Variants in RABGAP1L observed in about 807,000 individuals in gnomAD.
RABGAP1L encodes RAB GTPase activating protein 1 like.
In RABGAP1L, 63 loss-of-function variants were observed where a neutral mutation model predicts 137.7. That is an observed-to-expected ratio of 0.46 (90% CI 0.37 to 0.56). The LOEUF (loss-of-function observed/expected upper bound fraction) is 0.56, where lower values mean the gene tolerates loss of function less well. RABGAP1L is among the 20% of genes least tolerant of loss of function. The pLI is 0.00. For synonymous variants in RABGAP1L, 431 were observed against 433.7 expected, an observed-to-expected ratio of 0.99 and a Z score of 0.08; for missense variants, 1,095 against 1,244.0, an observed-to-expected ratio of 0.88 and a Z score of 1.80.
chr1:174,777,284 C>T (rs1309442380), intron 18 of RABGAP1L, among the ~76,000 whole-genome samples: 2 of 152,162 alleles, frequency 1.3e-5, no homozygotes, highest in African/African-American at 4.8e-5. Context: ...GACTTGTGTT[C>T]TTTTCATCCT....
chr1:174,215,848 C>T (rs1669273475), intron 1 of RABGAP1L, among the ~76,000 whole-genome samples: 1 of 152,156 alleles, frequency 6.6e-6, no homozygotes, highest in African/African-American at 2.4e-5. Context: ...GAGATATCTG[C>T]ACTCCCTTGT....
intron 13 of RABGAP1L, among the ~76,000 whole-genome samples, chr1:174,621,181 C>A (rs1266369095): frequency 6.6e-6 from 1 of 152,106 alleles, no homozygotes; most frequent in Non-Finnish European, 1.5e-5. Flanking sequence ...GAACTACAAA[C>A]CACTGCTCAA....
At chr1:174,669,584 C>T (rs908199529) in intron 14 of RABGAP1L, among the ~76,000 whole-genome samples, 1 of 152,120 alleles carries the variant, frequency 6.6e-6, no homozygotes, top group African/African-American at 2.4e-5. Context: ...AGCGTTTTCT[C>T]TTTATTTTCT....
intron 13 of RABGAP1L, among the ~76,000 whole-genome samples, chr1:174,620,067 T>G (rs1015069484): frequency 2.6e-5 from 4 of 152,016 alleles, no homozygotes; most frequent in African/African-American, 9.7e-5. Flanking sequence ...GGTAAAGGGA[T>G]CAATTCAACA....
At chr1:174,745,845 A>G (rs1402214880) in intron 17 of RABGAP1L, among the ~76,000 whole-genome samples, 1 of 152,186 alleles carries the variant, frequency 6.6e-6, no homozygotes, top group African/African-American at 2.4e-5. Flanking sequence ...GTCAGAAAGG[A>G]CAGAACCCCA....
At chr1:174,162,000 T>A (rs1250455474) in intron 1 of RABGAP1L, among the ~76,000 whole-genome samples, 1 of 151,938 alleles carries the variant, frequency 6.6e-6, no homozygotes, top group Non-Finnish European at 1.5e-5. Flanking sequence ...CTCGAAGTGC[T>A]GGGATTACAG....
chr1:174,324,426 G>C (rs1680268748), intron 11 of RABGAP1L, among the ~76,000 whole-genome samples: 1 of 152,114 alleles, frequency 6.6e-6, no homozygotes, highest in South Asian at 2.1e-4. Context: ...ACACAGGGGG[G>C]AGGAAGTGTG....
chr1:174,640,052 T>G (rs1324716801), intron 14 of RABGAP1L, among the ~76,000 whole-genome samples: 1 of 152,158 alleles, frequency 6.6e-6, no homozygotes, highest in Non-Finnish European at 1.5e-5. Flanking sequence ...AAAATTACAT[T>G]AGACATAGTA....
Position 174,688,206 on chromosome 1 carries a change from C to T in RABGAP1L, c.1899+4610C>T, listed in dbSNP as rs192929234. ...ATCTCTTAGTCTTAATAAATTATGA[C>T]CTGATTATATTTCACTTACTCTAAA... On this transcript the variant is annotated intron_variant, in intron 15 of 25. Coordinates refer to ENST00000681986, the MANE Select transcript of RABGAP1L (RefSeq NM_001366446.1). Among the ~76,000 whole-genome samples, 103 of 151,904 alleles carry T rather than the reference C, an allele frequency of 6.8e-4. 1 individual carries two copies. The highest frequency in any genetic ancestry group is 3.4e-3 in the Middle Eastern group (1 of 294).
At chr1:174,249,497 A>G (rs1236637035) in intron 5 of RABGAP1L, among the ~76,000 whole-genome samples, 1 of 152,190 alleles carries the variant, frequency 6.6e-6, no homozygotes, top group African/African-American at 2.4e-5. Context: ...GCCTAGAAAT[A>G]TCTATAAATA....
intron 13 of RABGAP1L, among the ~76,000 whole-genome samples, chr1:174,427,144 ATGTGTGTGTG>A (rs57986877): frequency 0.09 from 12,946 of 144,634 alleles, 751 homozygotes; most frequent in East Asian, 0.21. Flanking sequence ...CCGCATGTTT[ATGTGTGTGTG>A]TGTGTGTGTG....
chr1:174,651,739 G>A (rs113707056), intron 14 of RABGAP1L, among the ~76,000 whole-genome samples: 6 of 152,296 alleles, frequency 3.9e-5, no homozygotes, highest in African/African-American at 1.4e-4. Context: ...CTCTGCAGGT[G>A]AGATGCGTTT....
At chr1:174,982,668 T>C (rs943443799) in intron 23 of RABGAP1L, among the ~76,000 whole-genome samples, 166 bp from the exon 24 acceptor site, 38 of 152,248 alleles carry the variant, frequency 2.5e-4, no homozygotes, top group African/African-American at 9.2e-4. Flanking sequence ...GCTCCAGCTT[T>C]CTGCTGCTCA....
At chr1:174,382,876 G>C (rs1007154459) in intron 12 of RABGAP1L, among the ~76,000 whole-genome samples, 9 of 151,962 alleles carry the variant, frequency 5.9e-5, no homozygotes, top group African/African-American at 1.9e-4. Flanking sequence ...CTGCGTTTTA[G>C]AGTTTCCAGT....
intron 19 of RABGAP1L, among the ~76,000 whole-genome samples, chr1:174,883,357 A>G (rs541765327): frequency 2.0e-5 from 3 of 152,350 alleles, no homozygotes; most frequent in Admixed American, 1.3e-4. Context: ...AACTAATCAG[A>G]CTATTTGAAG....
At position 174,550,919 on chromosome 1, in the gene RABGAP1L, C is replaced by CAT. The variant is rs1558333971; in HGVS notation, c.1711-86455_1711-86454insTA. Among the ~76,000 whole-genome samples, 494 of 110,304 alleles carry CAT rather than the reference C, an allele frequency of 4.5e-3. 28 individuals are homozygous for CAT. The highest frequency in any genetic ancestry group is 0.021 in the African/African-American group (432 of 20,864). 72.4% of individuals were successfully genotyped at this position (110,304 alleles called of 152,430 possible). On this transcript the variant is annotated intron_variant, in intron 13 of 25. Transcript: ENST00000681986. Reference sequence around the variant, plus strand: ...ATACACACACACATATACACACACACACATATATATATACACATATATATA... The same window carrying CAT: ...ATACACACACACATATACACACACACATACATATATATATACACATATATATA...
chr1:174,904,924 T>C (rs2149172444), intron 19 of RABGAP1L, among the ~76,000 whole-genome samples: 1 of 152,280 alleles, frequency 6.6e-6, no homozygotes, highest in Non-Finnish European at 1.5e-5. Context: ...CTTGCTGGGA[T>C]GACAGGCATG....
intron 13 of RABGAP1L, among the ~76,000 whole-genome samples, chr1:174,523,798 G>A (rs1461962982): frequency 1.3e-5 from 2 of 152,118 alleles, no homozygotes; most frequent in African/African-American, 2.4e-5. Flanking sequence ...CCACCATCAC[G>A]CTCTTCCCTG....
chr1:174,889,106 T>C (rs1353147065), intron 19 of RABGAP1L, among the ~76,000 whole-genome samples: 2 of 151,770 alleles, frequency 1.3e-5, no homozygotes, highest in East Asian at 3.8e-4. Flanking sequence ...ATTTTTGTTT[T>C]ATTTTTTAAT....
Sources: allele counts gnomAD v4.1 joint callset (sites outside exome capture counted in the v4.1 genomes callset), GRCh38; gene constraint gnomAD v4.1.1; transcripts MANE v1.5; gene names NCBI Gene and HGNC (gene_info 2026-07-23, HGNC 2026-07-21).